The following PARD3 variants were observed in gnomAD, a reference collection of about 807,000 sequenced individuals.
PARD3 encodes the protein partitioning defective 3 homolog.
A neutral mutation model predicts 155.4 loss-of-function variants in PARD3; 75 were observed. That is an observed-to-expected ratio of 0.48 (90% CI 0.40 to 0.58). PARD3 has a LOEUF of 0.58. Among genes scored for constraint, PARD3 ranks in the 20% least tolerant of loss-of-function variants. The pLI is 0.00. For synonymous variants in PARD3, 576 were observed against 610.5 expected (o/e 0.94, Z 0.83); for missense variants, 1,642 against 1,721.7 (o/e 0.95, Z 0.82).
chr10:34,231,886 A>T (rs1952953040), intron 22 of PARD3, among the ~76,000 whole-genome samples: 1 of 152,058 alleles, frequency 6.6e-6, no homozygotes, highest in Non-Finnish European at 1.5e-5. Flanking sequence ...AAAACAATAC[A>T]TGTTTTGTCC....
At chr10:34,525,429 C>T (rs1487441166) in intron 2 of PARD3, among the ~76,000 whole-genome samples, 1 of 152,196 alleles carries the variant, frequency 6.6e-6, no homozygotes, top group East Asian at 1.9e-4. Context: ...GAAACTTGAC[C>T]TCAAACCCGT....
intron 2 of PARD3, among the ~76,000 whole-genome samples, chr10:34,661,458 C>A (rs1007607651): frequency 6.6e-6 from 1 of 152,132 alleles, no homozygotes; most frequent in Non-Finnish European, 1.5e-5. Context: ...GATGAAAGAA[C>A]ATGAATTGGC....
At chr10:34,607,985 T>C (rs2090598278) in intron 2 of PARD3, among the ~76,000 whole-genome samples, 1 of 152,208 alleles carries the variant, frequency 6.6e-6, no homozygotes, top group Non-Finnish European at 1.5e-5. Context: ...CAAAGTGCCC[T>C]GCACTTTCAT....
chr10:34,379,643 C>A (rs1841621995), intron 9 of PARD3, among the ~76,000 whole-genome samples: 1 of 152,080 alleles, frequency 6.6e-6, no homozygotes, highest in Admixed American at 6.6e-5. Flanking sequence ...ACCCCTAAAT[C>A]TGTAAGCTAA....
At chr10:34,585,874 GCCT>G (rs1251580291) in intron 2 of PARD3, among the ~76,000 whole-genome samples, 1 of 152,028 alleles carries the variant, frequency 6.6e-6, no homozygotes, top group East Asian at 1.9e-4. Flanking sequence ...TAACAACACT[GCCT>G]CCTGAGAAGG....
At chr10:34,325,980 G>A (rs916199431) in intron 19 of PARD3, among the ~76,000 whole-genome samples, 1 of 151,978 alleles carries the variant, frequency 6.6e-6, no homozygotes, top group Non-Finnish European at 1.5e-5. Flanking sequence ...AATCACTTGG[G>A]CATGGTGGCA....
At chr10:34,678,099 G>A (rs1166068640) in intron 2 of PARD3, among the ~76,000 whole-genome samples, 1 of 150,690 alleles carries the variant, frequency 6.6e-6, no homozygotes, top group African/African-American at 2.4e-5. Context: ...ATTGAGACAG[G>A]GTCTCACTCA....
chr10:34,150,139 T>C (rs1278562637), intron 22 of PARD3, among the ~76,000 whole-genome samples: 1 of 152,210 alleles, frequency 6.6e-6, no homozygotes, highest in African/African-American at 2.4e-5. Context: ...ATCATCATAT[T>C]GGCTTCAAGT....
At chr10:34,113,039 T>C (rs1564401576) in intron 24 of PARD3, among the ~76,000 whole-genome samples, 2 of 152,210 alleles carry the variant, frequency 1.3e-5, no homozygotes, top group Admixed American at 6.5e-5. Flanking sequence ...TGTTGGAAAA[T>C]GCCGGCATGA....
chr10:34,656,144 AACTT>A (rs1452838640), intron 2 of PARD3, among the ~76,000 whole-genome samples: 1 of 152,138 alleles, frequency 6.6e-6, no homozygotes, highest in Non-Finnish European at 1.5e-5. Flanking sequence ...GCCTTTGTTA[AACTT>A]ACTTAACACC....
intron 2 of PARD3, among the ~76,000 whole-genome samples, chr10:34,522,675 A>G (rs1462772015): frequency 1.3e-5 from 2 of 152,234 alleles, no homozygotes; most frequent in African/African-American, 2.4e-5. Context: ...GAAAGAAGAC[A>G]GCATGCTAGA....
At chr10:34,466,883 C>T (rs760099594) in intron 4 of PARD3, among the ~76,000 whole-genome samples, 1 of 152,056 alleles carries the variant, frequency 6.6e-6, no homozygotes. Flanking sequence ...AAAACGCAGA[C>T]AGCAAGATTA....
At chr10:34,620,358 T>G (rs2091576792) in intron 2 of PARD3, among the ~76,000 whole-genome samples, 1 of 152,228 alleles carries the variant, frequency 6.6e-6, no homozygotes, top group Non-Finnish European at 1.5e-5. Flanking sequence ...AGAGGTTTTT[T>G]GTGATGTAGG....
chr10:34,178,675 T>C (rs933856438), intron 22 of PARD3, among the ~76,000 whole-genome samples: 1 of 152,156 alleles, frequency 6.6e-6, no homozygotes, highest in African/African-American at 2.4e-5. Flanking sequence ...AGGCACAGGG[T>C]TTGGGACCTA....
intron 5 of PARD3, among the ~76,000 whole-genome samples, chr10:34,430,525 A>G (rs2075847606): frequency 6.6e-6 from 1 of 152,232 alleles, no homozygotes; most frequent in Non-Finnish European, 1.5e-5. Flanking sequence ...TACGGTAACT[A>G]AAATAACTAA....
At chr10:34,420,199 C>T (rs1846057110) in intron 5 of PARD3, among the ~76,000 whole-genome samples, 1 of 152,176 alleles carries the variant, frequency 6.6e-6, no homozygotes, top group African/African-American at 2.4e-5. Context: ...CAGAGTATCC[C>T]CACAGTGCAA....
intron 2 of PARD3, among the ~76,000 whole-genome samples, chr10:34,616,301 G>T (rs575017056): frequency 6.6e-6 from 1 of 151,624 alleles, no homozygotes; most frequent in Non-Finnish European, 1.5e-5. Context: ...TGGGTGACAG[G>T]GTGAGACTCT....
chr10:34,205,636 G>A (rs1951437141), intron 22 of PARD3, among the ~76,000 whole-genome samples: 1 of 152,124 alleles, frequency 6.6e-6, no homozygotes, highest in Non-Finnish European at 1.5e-5. Flanking sequence ...GGGAGAGGGT[G>A]AAGCGATGTG....
chr10:34,305,994 T>TA (rs1957389602), intron 20 of PARD3, among the ~76,000 whole-genome samples: 1 of 151,642 alleles, frequency 6.6e-6, no homozygotes, highest in African/African-American at 2.4e-5. Flanking sequence ...ATTTTTTTAT[T>TA]AAAAAAATTC....
Sources: allele counts gnomAD v4.1 joint callset (sites outside exome capture counted in the v4.1 genomes callset), GRCh38; gene constraint gnomAD v4.1.1; transcripts MANE v1.5; gene names NCBI Gene and HGNC (gene_info 2026-07-23, HGNC 2026-07-21).